The following CDH12 variants were observed in gnomAD, a reference collection of about 807,000 sequenced individuals.
The protein encoded by CDH12 is cadherin 12.
In CDH12, 41 loss-of-function variants were observed where a neutral mutation model predicts 74.1. That is an observed-to-expected ratio of 0.55 (90% CI 0.43 to 0.72). The LOEUF (loss-of-function observed/expected upper bound fraction) is 0.72, where lower values mean the gene tolerates loss of function less well. Among genes scored for constraint, CDH12 ranks in the 30% least tolerant of loss-of-function variants. CDH12 has a pLI of 0.00. For missense variants in CDH12, 945 were observed against 977.2 expected (o/e 0.97, Z 0.44); for synonymous variants, 399 against 355.0 (o/e 1.12, Z -1.39).
At chr5:22,814,982 A>G (rs1328476451) in intron 1 of CDH12, among the ~76,000 whole-genome samples, 1 of 152,218 alleles carries the variant, frequency 6.6e-6, no homozygotes, top group Non-Finnish European at 1.5e-5. Flanking sequence ...AAAGATGAAG[A>G]AATAAAATAT....
intron 1 of CDH12, among the ~76,000 whole-genome samples, chr5:22,700,150 A>AAG (rs1017535071): frequency 1.3e-5 from 2 of 152,084 alleles, no homozygotes; most frequent in Admixed American, 1.3e-4. Flanking sequence ...CTGGGTGAAA[A>AAG]AGTGAGACTC....
chr5:21,783,553 C>T (rs1347005403), intron 10 of CDH12, 59 bp from the exon 11 acceptor site: 3 of 1,260,980 alleles, frequency 2.4e-6, no homozygotes, highest in Non-Finnish European at 3.4e-6. Flanking sequence ...CATAATGGCA[C>T]TTAGGCTAAC....
At chr5:21,866,980 G>A (rs2150014070) in intron 6 of CDH12, among the ~76,000 whole-genome samples, 1 of 152,220 alleles carries the variant, frequency 6.6e-6, no homozygotes, top group South Asian at 2.1e-4. Context: ...GTACAGCTCT[G>A]GGCCATGGCT....
intron 1 of CDH12, among the ~76,000 whole-genome samples, chr5:22,573,239 A>T (rs774775787): frequency 4.3e-4 from 66 of 152,176 alleles, no homozygotes; most frequent in Non-Finnish European, 8.1e-4. Context: ...AATTTTTGCA[A>T]CATTTTCCTC....
At chr5:21,959,933 A>T (rs1304429939) in intron 6 of CDH12, among the ~76,000 whole-genome samples, 2 of 150,378 alleles carry the variant, frequency 1.3e-5, no homozygotes, top group Admixed American at 6.6e-5. Context: ...TCAAAAAAAA[A>T]AAAAAAAAAA....
At chr5:22,358,453 C>T (rs1052566353) in intron 3 of CDH12, among the ~76,000 whole-genome samples, 3 of 151,822 alleles carry the variant, frequency 2.0e-5, no homozygotes, top group African/African-American at 4.8e-5. Context: ...AAAAAGCAGC[C>T]CCCACTTTAA....
chr5:22,781,950 G>C (rs1435480707), intron 1 of CDH12, among the ~76,000 whole-genome samples: 1 of 152,150 alleles, frequency 6.6e-6, no homozygotes, highest in African/African-American at 2.4e-5. Context: ...TGACTTTCTT[G>C]GTTTCCAGCT....
intron 3 of CDH12, among the ~76,000 whole-genome samples, chr5:22,335,614 A>G (rs753322425): frequency 6.6e-6 from 1 of 151,536 alleles, no homozygotes; most frequent in African/African-American, 2.4e-5. Context: ...AAACAAAAAC[A>G]AGGGGGAGTT....
At chr5:22,140,329 A>T (rs1746714092) in intron 4 of CDH12, among the ~76,000 whole-genome samples, 1 of 152,034 alleles carries the variant, frequency 6.6e-6, no homozygotes, top group Non-Finnish European at 1.5e-5. Context: ...ATGTATTTCT[A>T]CTTAATTTTT....
chr5:22,042,322 A>G (rs73067180), intron 5 of CDH12, among the ~76,000 whole-genome samples: 34,864 of 152,048 alleles, frequency 0.23, 4,129 homozygotes, highest in South Asian at 0.33. Context: ...GGCAGTAATA[A>G]ATAGAGACTT....
intron 5 of CDH12, among the ~76,000 whole-genome samples, chr5:22,032,154 A>G (rs148920065): frequency 2.8e-5 from 4 of 144,266 alleles, no homozygotes; most frequent in Non-Finnish European, 5.9e-5. Context: ...TATATATGAC[A>G]TGCCTGTCAA....
intron 6 of CDH12, among the ~76,000 whole-genome samples, chr5:21,870,550 A>G (rs1343915034): frequency 2.6e-5 from 4 of 152,162 alleles, no homozygotes; most frequent in African/African-American, 4.8e-5. Flanking sequence ...TCAGCCAAGT[A>G]GATTTCTGTT....
intron 5 of CDH12, among the ~76,000 whole-genome samples, chr5:22,058,051 T>C (rs1463036366): frequency 6.6e-6 from 1 of 151,048 alleles, no homozygotes; most frequent in Non-Finnish European, 1.5e-5. Flanking sequence ...CTATCATCTA[T>C]CTTTTATTTA....
chr5:22,038,232 C>T, intron 5 of CDH12, among the ~76,000 whole-genome samples: 1 of 152,162 alleles, frequency 6.6e-6, no homozygotes, highest in Non-Finnish European at 1.5e-5. Flanking sequence ...TACAGCAGAA[C>T]CACCTCTGCC....
intron 3 of CDH12, among the ~76,000 whole-genome samples, chr5:22,338,845 C>T (rs1739714934): frequency 6.6e-6 from 1 of 152,116 alleles, no homozygotes; most frequent in South Asian, 2.1e-4. Flanking sequence ...AAGAAGTAAG[C>T]TCCTATGTTG....
At chr5:22,512,853 G>A (rs563319258) in intron 1 of CDH12, among the ~76,000 whole-genome samples, 44 of 152,112 alleles carry the variant, frequency 2.9e-4, no homozygotes, top group Middle Eastern at 6.8e-3. Flanking sequence ...ATCTGAGTTC[G>A]GAGTTCAAGA....
Position 22,675,683 on chromosome 5 carries a change from C to T in CDH12, c.-522-170319G>A, listed in dbSNP as rs193295543. On this transcript the variant is annotated intron_variant, in intron 1 of 14. Transcript: ENST00000382254. ...CAAGCTCTCTTCTTTTGTCTGCCAC[C>T]ATGTGAGACATGCCTTTCACCTTCC... Among the ~76,000 whole-genome samples the T allele has an allele frequency of 1.9e-3, 283 of 151,938 alleles. 2 individuals are homozygous for T. The highest frequency in any genetic ancestry group is 6.3e-3 in the African/African-American group (261 of 41,444).
At chr5:21,840,664 A>T (rs1215257285) in intron 8 of CDH12, among the ~76,000 whole-genome samples, 1 of 152,012 alleles carries the variant, frequency 6.6e-6, no homozygotes, top group Non-Finnish European at 1.5e-5. Context: ...AGAGATATAG[A>T]TCAATGGAAC....
chr5:22,800,534 TTGA>T (rs1452098694), intron 1 of CDH12, among the ~76,000 whole-genome samples: 3 of 152,170 alleles, frequency 2.0e-5, no homozygotes, highest in South Asian at 2.1e-4. Context: ...TTTGTTACAA[TTGA>T]TGAACTGCAT....
Sources: gnomAD v4.1 joint callset for allele counts (sites outside exome capture counted in the v4.1 genomes callset) on GRCh38, gnomAD v4.1.1 for gene constraint, MANE v1.5 for transcripts, NCBI Gene and HGNC (gene_info 2026-07-23, HGNC 2026-07-21) for gene names.